CSNK2A2IP: variants seen among roughly 807,000 people sequenced by gnomAD.
CSNK2A2IP encodes the protein casein kinase II subunit alpha'-interacting protein.
At chr3:88,448,395 C>T in the CSNK2A2IP span, among the ~76,000 whole-genome samples, 1 of 152,248 alleles carries the variant, frequency 6.6e-6, no homozygotes, top group South Asian at 2.1e-4. Flanking sequence ...ATACCTTTAT[C>T]TCTATCTCTA....
the CSNK2A2IP span, among the ~76,000 whole-genome samples, chr3:88,364,031 A>C: frequency 6.6e-6 from 1 of 152,016 alleles, no homozygotes; most frequent in Non-Finnish European, 1.5e-5. Flanking sequence ...CTTCTTTGAT[A>C]GTCTGTCTTT....
At chr3:88,425,593 T>A in the CSNK2A2IP span, among the ~76,000 whole-genome samples, 1 of 152,152 alleles carries the variant, frequency 6.6e-6, no homozygotes, top group Non-Finnish European at 1.5e-5. Flanking sequence ...TCTGCAATAA[T>A]TCTAACTGTG....
chr3:88,395,125 G>T, the CSNK2A2IP span, among the ~76,000 whole-genome samples: 1 of 152,180 alleles, frequency 6.6e-6, no homozygotes, highest in Non-Finnish European at 1.5e-5. Context: ...ATATGCAGAC[G>T]TATATACACA....
chr3:88,356,135 TAA>T, the CSNK2A2IP span, among the ~76,000 whole-genome samples: 48 of 152,268 alleles, frequency 3.2e-4, no homozygotes, highest in African/African-American at 1.1e-3. Context: ...AAATATACAA[TAA>T]GTTATTGTTT....
the CSNK2A2IP span, among the ~76,000 whole-genome samples, chr3:88,445,296 A>AAAAAT: frequency 6.7e-6 from 1 of 148,406 alleles, no homozygotes; most frequent in Non-Finnish European, 1.5e-5. Context: ...AAAAAAAAAA[A>AAAAAT]AAAATTAGCC....
chr3:88,375,313 A>G, the CSNK2A2IP span, among the ~76,000 whole-genome samples: 1 of 151,788 alleles, frequency 6.6e-6, no homozygotes, highest in African/African-American at 2.4e-5. Context: ...GCCATCGCTG[A>G]TCTCCCGGAA....
the CSNK2A2IP span, among the ~76,000 whole-genome samples, chr3:88,419,595 G>A: frequency 6.6e-6 from 1 of 152,068 alleles, no homozygotes; most frequent in African/African-American, 2.4e-5. Context: ...ACGGCAGAAT[G>A]GTTTATATTT....
At chr3:88,460,469 G>C in the CSNK2A2IP span, among the ~76,000 whole-genome samples, 4 of 151,894 alleles carry the variant, frequency 2.6e-5, 1 homozygote, top group East Asian at 5.8e-4. Context: ...ACTCTCTCTC[G>C]TTAAGTTTTC....
chr3:88,459,245 C>A, the CSNK2A2IP span, among the ~76,000 whole-genome samples: 1 of 152,094 alleles, frequency 6.6e-6, no homozygotes, highest in African/African-American at 2.4e-5. Context: ...CTCCTCAAAA[C>A]TTTCAAGCAC....
At chr3:88,426,980 T>C in the CSNK2A2IP span, among the ~76,000 whole-genome samples, 1 of 151,856 alleles carries the variant, frequency 6.6e-6, no homozygotes, top group African/African-American at 2.4e-5. Flanking sequence ...TTGGAACAGT[T>C]TGGAGGGCTC....
the CSNK2A2IP span, among the ~76,000 whole-genome samples, chr3:88,381,484 G>A: frequency 3.3e-5 from 5 of 152,260 alleles, no homozygotes; most frequent in South Asian, 1.0e-3. Flanking sequence ...TGTTACTGTT[G>A]GAGGTAGGTG....
the CSNK2A2IP span, among the ~76,000 whole-genome samples, chr3:88,396,129 C>T: frequency 1.6e-5 from 2 of 126,770 alleles, no homozygotes; most frequent in Admixed American, 9.0e-5. Context: ...TTTTTTGAGA[C>T]GGAGTCTCGC....
chr3:88,429,132 G>C, the CSNK2A2IP span, among the ~76,000 whole-genome samples: 1 of 151,710 alleles, frequency 6.6e-6, no homozygotes, highest in Admixed American at 6.6e-5. Context: ...CAATACCACA[G>C]TTCATGTCCA....
the CSNK2A2IP span, among the ~76,000 whole-genome samples, chr3:88,380,598 A>G: frequency 6.6e-6 from 1 of 152,066 alleles, no homozygotes. Flanking sequence ...TAGAAAAAAC[A>G]GCTATTTCTA....
At chr3:88,339,426 T>G in the CSNK2A2IP span, among the ~76,000 whole-genome samples, 4 of 152,154 alleles carry the variant, frequency 2.6e-5, no homozygotes, top group Non-Finnish European at 5.9e-5. Context: ...TGCCACATTT[T>G]CTTGATCTAT....
At chr3:88,393,104 G>A in the CSNK2A2IP span, among the ~76,000 whole-genome samples, 2 of 152,152 alleles carry the variant, frequency 1.3e-5, no homozygotes, top group Admixed American at 6.5e-5. Flanking sequence ...AGTGACAATC[G>A]AAGGACATTT....
chr3:88,401,005 TA>T, the CSNK2A2IP span, among the ~76,000 whole-genome samples: 1 of 152,158 alleles, frequency 6.6e-6, no homozygotes, highest in African/African-American at 2.4e-5. Context: ...TGAATTAGTA[TA>T]AATAGGTTGA....
the CSNK2A2IP span, among the ~76,000 whole-genome samples, chr3:88,391,745 C>G: frequency 6.6e-6 from 1 of 152,164 alleles, no homozygotes; most frequent in Non-Finnish European, 1.5e-5. Context: ...TAAAGGGGAA[C>G]TAACTGCATT....
At chr3:88,427,074 T>C in the CSNK2A2IP span, among the ~76,000 whole-genome samples, 1 of 152,268 alleles carries the variant, frequency 6.6e-6, no homozygotes, top group Admixed American at 6.5e-5. Flanking sequence ...TGGGAAAGTT[T>C]GAAACTTCTT....
Sources: gnomAD v4.1 joint callset for allele counts (sites outside exome capture counted in the v4.1 genomes callset) on GRCh38, gnomAD v4.1.1 for gene constraint, MANE v1.5 for transcripts, NCBI Gene and HGNC (gene_info 2026-07-23, HGNC 2026-07-21) for gene names.